COL6A6: variants seen among roughly 807,000 people sequenced by gnomAD.
The protein encoded by COL6A6 is collagen alpha-6(VI) chain.
COL6A6 carries 183 observed loss-of-function variants against 208.6 expected under a neutral mutation model. That is an observed-to-expected ratio of 0.88 (90% CI 0.78 to 0.99). The LOEUF is 0.99. COL6A6 is among the 50% of genes least tolerant of loss of function. The pLI, the probability that COL6A6 is intolerant of heterozygous loss-of-function variation, is 0.00. For synonymous variants in COL6A6, 973 were observed against 1,011.8 expected (o/e 0.96, Z 0.73); for missense variants, 2,816 against 2,815.2 (o/e 1.00, Z -0.01).
intron 7 of COL6A6, 57 bp from the exon 8 acceptor site, chr3:130,573,899 T>C (rs115357088): frequency 0.041 from 51,546 of 1,256,338 alleles, 1,414 homozygotes; most frequent in Non-Finnish European, 0.049. Context: ...TTACTCTTGG[T>C]GGATTAAGGA....
intron 29 of COL6A6, among the ~76,000 whole-genome samples, 192 bp from the exon 30 acceptor site, chr3:130,642,640 A>G (rs2065349552): frequency 6.6e-6 from 1 of 152,196 alleles, no homozygotes; most frequent in South Asian, 2.1e-4. Context: ...CTTGCTGCTT[A>G]AAGTTTGTTC....
intron 33 of COL6A6, 149 bp from the exon 34 acceptor site, chr3:130,658,527 C>G: frequency 1.7e-6 from 1 of 605,176 alleles, no homozygotes; most frequent in Non-Finnish European, 3.0e-6. Context: ...CCAGACAGAG[C>G]TCTTAGCCAT....
chr3:130,616,092 G>A (rs2064511631), intron 23 of COL6A6, among the ~76,000 whole-genome samples: 9 of 152,088 alleles, frequency 5.9e-5, no homozygotes, highest in Admixed American at 5.9e-4. Context: ...AATTTTTTAT[G>A]TTTAGGACAT....
chr3:130,600,107 G>T (rs544236437), intron 20 of COL6A6, among the ~76,000 whole-genome samples: 25 of 152,286 alleles, frequency 1.6e-4, no homozygotes, highest in African/African-American at 6.0e-4. Context: ...TACTAGCTAG[G>T]TTGAGATCAC....
chr3:130,549,503 C>T (rs1041361229), intron 1 of COL6A6, among the ~76,000 whole-genome samples: 2 of 151,982 alleles, frequency 1.3e-5, no homozygotes, highest in African/African-American at 4.8e-5. Context: ...GGTTATCTTC[C>T]AGGGTTTTTG....
At chr3:130,577,246 G>T (rs2063319037) in intron 8 of COL6A6, among the ~76,000 whole-genome samples, 2 of 152,110 alleles carry the variant, frequency 1.3e-5, no homozygotes, top group South Asian at 2.1e-4. Context: ...TTGGTAGCCT[G>T]GTCTAGATCA....
chr3:130,533,083 G>C (rs1049081286), intron 1 of COL6A6, among the ~76,000 whole-genome samples: 2 of 151,976 alleles, frequency 1.3e-5, no homozygotes, highest in Admixed American at 1.3e-4. Flanking sequence ...ACATTCTACT[G>C]ATCAAGTAAG....
At position 130,599,898 on chromosome 3, in the gene COL6A6, G is replaced by C; in HGVS notation, c.4653+88G>C. 1.5e-5 allele frequency: 18 copies of C among 1,235,838 alleles called. No homozygotes were observed. The South Asian group carries it at 2.1e-4, about 14-fold the overall frequency. The allele number at this position is 1,235,838 out of a possible 1,614,324, so 76.6% of individuals were successfully genotyped here. On this transcript the variant is annotated intron_variant, in intron 20 of 36. Transcript: ENST00000358511. ...CTGACTTTGGGGGAGTGGGTGGGAT[G>C]GTTCTGCTGGAGCTCACTACCTTGA... is the stretch of plus-strand genomic sequence containing the variant.
At chr3:130,569,062 T>G (rs971204058) in intron 6 of COL6A6, among the ~76,000 whole-genome samples, 3 of 152,196 alleles carry the variant, frequency 2.0e-5, no homozygotes, top group African/African-American at 7.2e-5. Flanking sequence ...GGTCCTACCT[T>G]GAGGCGAGGG....
At chr3:130,530,221 T>C (rs995308987) in intron 1 of COL6A6, among the ~76,000 whole-genome samples, 3 of 152,158 alleles carry the variant, frequency 2.0e-5, no homozygotes, top group Admixed American at 6.5e-5. Context: ...ACATCACCTT[T>C]CTGTACCTCA....
chr3:130,596,831 AG>A (rs1471429527), intron 18 of COL6A6, among the ~76,000 whole-genome samples: 1 of 152,244 alleles, frequency 6.6e-6, no homozygotes, highest in Non-Finnish European at 1.5e-5. Flanking sequence ...TTTTAAAAAA[AG>A]AAATATTGGG....
Position 130,565,591 on chromosome 3 carries a change from A to G in COL6A6, c.1259A>G (p.Glu420Gly). ...ACACACACAGTCTCTGTCTTTTCAG[A>G]GAGGACTGAAACGCTCAAATCTGGT... ...QITHTVSVFS[E>G]RTETLKSGCV... Residue 420 changes from glutamate to glycine, a missense_variant, in exon 4 of 37, where the codon GAG becomes GGG. By Grantham distance (98) the Glu-to-Gly change is moderately conservative. Transcript: ENST00000358511. The G allele has an allele frequency of 1.2e-6, 2 of 1,613,136 alleles. No homozygotes were observed. The highest frequency in any genetic ancestry group is 1.7e-6 in the Non-Finnish European group (2 of 1,179,458).
rs2107959713 is a variant in COL6A6, at chr3:130,574,521, A to T, written c.3543A>T (p.Glu1181Asp). 1 of 1,612,590 alleles carries T rather than the reference A, an allele frequency of 6.2e-7. No homozygotes were observed. Among genetic ancestry groups the T allele is most frequent in the Non-Finnish European group, 8.5e-7 (1 of 1,178,992 alleles). The stretch of plus-strand genomic sequence containing the variant: ...GCAACATCTGTACCACAGCGGGTGA[A>T]AGCAGTAAGTATTTAGCAAGTTCTT... ...IVRNICTTAG[E>D]SNCFVDVVVG... is the part of the protein sequence containing the mutation. The change falls in exon 8 of 37, where the codon GAA becomes GAT. Residue 1181 changes from glutamate (E) to aspartate (D), a missense_variant. Glu to Asp is a conservative substitution (Grantham distance 45, BLOSUM62 2). Transcript: ENST00000358511.
chr3:130,574,893 G>A lies in COL6A6; in HGVS notation c.3547+368G>A, dbSNP rs151208482. Among the ~76,000 whole-genome samples the A allele has an allele frequency of 8.9e-3, 1,361 of 152,254 alleles. 6 individuals carry two copies. The highest frequency in any genetic ancestry group is 0.021 in the South Asian group (102 of 4,822). On this transcript the variant is annotated intron_variant, in intron 8 of 36. Transcript: ENST00000358511. ...TGATTTTTGGTTGCTTGGCAATACG[G>A]CCTATAGGGCTGCCAAGAGCTGTGG...
chr3:130,603,376 C>A (rs2064083257), intron 20 of COL6A6, among the ~76,000 whole-genome samples: 1 of 152,294 alleles, frequency 6.6e-6, no homozygotes, highest in Non-Finnish European at 1.5e-5. Context: ...ACTAAATCCC[C>A]CCTTTCCTGC....
In COL6A6 at chr3:130,621,802, A is replaced by G; in HGVS notation, c.4816-19A>G. 1 of 1,610,652 alleles carries G rather than the reference A, an allele frequency of 6.2e-7. No individual in the cohort carries two copies. Among genetic ancestry groups the G allele is most frequent in the Middle Eastern group, 1.7e-4 (1 of 6,054 alleles). ...GCTTTATGTTTTGCTATATTTGCAA[A>G]CCCCTTGTTTTGTTTCAGGGGCCTC... On this transcript the variant is annotated intron_variant, in intron 23 of 36. Transcript: ENST00000358511.
intron 20 of COL6A6, among the ~76,000 whole-genome samples, chr3:130,604,490 G>A (rs1302827072): frequency 3.6e-5 from 5 of 137,142 alleles, no homozygotes; most frequent in Non-Finnish European, 6.2e-5. Flanking sequence ...GCGAGACTCC[G>A]TCTCAAAAAA....
intron 18 of COL6A6, among the ~76,000 whole-genome samples, chr3:130,595,907 A>T (rs7619202): frequency 0.088 from 13,363 of 152,156 alleles, 1,374 homozygotes; most frequent in African/African-American, 0.26. Context: ...GTATTTATTT[A>T]TACTCCCACT....
intron 2 of COL6A6, among the ~76,000 whole-genome samples, 193 bp downstream of exon 2, chr3:130,560,621 T>C (rs546030801): frequency 2.5e-4 from 38 of 152,328 alleles, no homozygotes; most frequent in Non-Finnish European, 4.6e-4. Context: ...TTCTGGATCT[T>C]ATTCCTTGTT....
Sources: gnomAD v4.1 joint callset for allele counts (sites outside exome capture counted in the v4.1 genomes callset) on GRCh38, gnomAD v4.1.1 for gene constraint, MANE v1.5 for transcripts, NCBI Gene and HGNC (gene_info 2026-07-23, HGNC 2026-07-21) for gene names.